GPAM: variants seen among roughly 807,000 people sequenced by gnomAD.
The protein encoded by GPAM is glycerol-3-phosphate acyltransferase 1, mitochondrial.
GPAM carries 56 observed loss-of-function variants against 105.0 expected under a neutral mutation model. The observed-to-expected ratio is 0.53, with a 90% CI of 0.43 to 0.67. The LOEUF is 0.67. Among genes scored for constraint, GPAM ranks in the 30% least tolerant of loss-of-function variants. GPAM has a pLI of 0.00. For missense variants in GPAM, 855 were observed against 989.8 expected, an observed-to-expected ratio of 0.86 and a Z score of 1.83; for synonymous variants, 368 against 354.4, an observed-to-expected ratio of 1.04 and a Z score of -0.43.
intron 1 of GPAM, among the ~76,000 whole-genome samples, chr10:112,198,495 T>C (rs1353113819): frequency 6.6e-6 from 1 of 152,214 alleles, no homozygotes; most frequent in Non-Finnish European, 1.5e-5. Context: ...AGAAAAAAAG[T>C]ACATGTAAAA....
chr10:112,224,830 C>G, the GPAM span, among the ~76,000 whole-genome samples: 1 of 152,110 alleles, frequency 6.6e-6, no homozygotes, highest in Non-Finnish European at 1.5e-5. Flanking sequence ...AATCAGATGA[C>G]AGCCATGGAG....
chr10:112,160,230 A>T lies in GPAM; in HGVS notation c.1760-177T>A, dbSNP rs559973715. 1.3e-5 allele frequency: 5 copies of T among 393,298 alleles called. No individual in the cohort carries two copies. The South Asian group carries it at 3.1e-4, about 25-fold the overall frequency. The allele number at this position is 393,298 out of a possible 1,614,324, so 24.4% of individuals were successfully genotyped here. ...TATGATTCCATATGATCCCAACTGC[A>T]TCAAAAACCTTCTCCAAAGACATAA... On this transcript the variant is annotated intron_variant, in intron 16 of 21. Transcript: ENST00000348367.
chr10:112,213,146 T>C (rs561847157), intron 1 of GPAM, among the ~76,000 whole-genome samples: 1 of 152,336 alleles, frequency 6.6e-6, no homozygotes, highest in East Asian at 1.9e-4. Context: ...CAACCGAGCA[T>C]GTGAAACAGT....
intron 17 of GPAM, among the ~76,000 whole-genome samples, chr10:112,159,663 C>T (rs1223186861): frequency 1.3e-5 from 2 of 152,154 alleles, no homozygotes; most frequent in Non-Finnish European, 2.9e-5. Context: ...ATGTGACTGC[C>T]TGAGAACATT....
At chr10:112,165,791 A>G (rs1356541060) in intron 12 of GPAM, among the ~76,000 whole-genome samples, 1 of 152,176 alleles carries the variant, frequency 6.6e-6, no homozygotes, top group Non-Finnish European at 1.5e-5. Context: ...ATAAAGGCAC[A>G]TGCAAGATTC....
At chr10:112,168,675 A>C (rs1451005285) in intron 10 of GPAM, 151 bp from the exon 11 acceptor site, 1 of 722,464 alleles carries the variant, frequency 1.4e-6, no homozygotes, top group Non-Finnish European at 2.5e-6. Context: ...CAGCTCCTCC[A>C]ATGCTATATT....
intron 1 of GPAM, among the ~76,000 whole-genome samples, chr10:112,203,962 C>T (rs1425921163): frequency 6.6e-6 from 1 of 152,168 alleles, no homozygotes; most frequent in African/African-American, 2.4e-5. Context: ...AACTCCCTCA[C>T]CCTGAATTCC....
At chr10:112,203,604 T>C (rs1423250913) in intron 1 of GPAM, among the ~76,000 whole-genome samples, 2 of 152,240 alleles carry the variant, frequency 1.3e-5, no homozygotes, top group South Asian at 2.1e-4. Flanking sequence ...CTGTTTAACA[T>C]GTTATATTCA....
chr10:112,185,557 AACACACACACACAGACACACACACAC>A (rs1847583281), upstream of GPAM, among the ~76,000 whole-genome samples: 2 of 139,074 alleles, frequency 1.4e-5, no homozygotes, highest in South Asian at 4.6e-4. Flanking sequence ...TTAACACCCT[AACACACACACACAGACACACACACAC>A]ACACACACAC....
intron 7 of GPAM, 48 bp from the exon 8 acceptor site, chr10:112,173,114 A>G (rs984662461): frequency 1.9e-6 from 2 of 1,030,562 alleles, no homozygotes; most frequent in Non-Finnish European, 3.1e-6. Context: ...AACACACGTT[A>G]TTTTTACATA....
At chr10:112,214,379 A>T (rs1004755811) in intron 1 of GPAM, 1 of 152,194 alleles carries the variant, frequency 6.6e-6, no homozygotes, top group Non-Finnish European at 1.5e-5. Context: ...TTGGTTTTGC[A>T]TCGTATCTTC....
rs751078109 is a variant in GPAM, at chr10:112,157,303, A to G, written c.2067T>C (p.Asp689=). ...CAAAGTCACTGTCTTCATCTTCTTC[A>G]TCACTTCTCCAAGACAAAGGTTCTG... is the stretch of plus-strand genomic sequence containing the variant. ...KLPEPLSWRS[D]EEDEDSDFGE... Residue 689 remains aspartate, a synonymous_variant, in exon 19 of 22, where the codon GAT becomes GAC. Coordinates refer to ENST00000348367, the MANE Select transcript of GPAM (RefSeq NM_001244949.2). 3.7e-6 allele frequency: 6 copies of G among 1,613,676 alleles called. No individual in the cohort carries two copies. The highest frequency in any genetic ancestry group is 5.1e-6 in the Non-Finnish European group (6 of 1,179,580).
rs531666294 is a variant in GPAM, at chr10:112,173,499, G to C, written c.560+200C>G. Among the ~76,000 whole-genome samples, 12 of 152,322 alleles carry C rather than the reference G, an allele frequency of 7.9e-5. 1 individual carries two copies. Among genetic ancestry groups the C allele is most frequent in the African/African-American group, 2.9e-4 (12 of 41,576 alleles). On this transcript the variant is annotated intron_variant, in intron 7 of 21. Coordinates refer to ENST00000348367, the MANE Select transcript of GPAM (RefSeq NM_001244949.2). The stretch of plus-strand genomic sequence containing the variant: ...TTGGCTGCTATCAATTAACAGATAT[G>C]AAGGCACCTTCAAGCCTACCACAGT...
upstream of GPAM, among the ~76,000 whole-genome samples, chr10:112,185,899 C>T (rs1021077263): frequency 1.2e-4 from 18 of 151,972 alleles, no homozygotes; most frequent in Admixed American, 1.1e-3. Flanking sequence ...AGTATACATG[C>T]AATTGTAGTC....
At chr10:112,195,450 GC>G (rs2133287611) in intron 1 of GPAM, among the ~76,000 whole-genome samples, 1 of 152,168 alleles carries the variant, frequency 6.6e-6, no homozygotes, top group Non-Finnish European at 1.5e-5. Flanking sequence ...CCCTTCCCTG[GC>G]ATTTGCTCTG....
At chr10:112,189,374 G>A (rs895065302) in intron 1 of GPAM, among the ~76,000 whole-genome samples, 21 of 152,096 alleles carry the variant, frequency 1.4e-4, no homozygotes, top group African/African-American at 5.1e-4. Context: ...CAAGCTTATA[G>A]TCTAGAATAT....
chr10:112,156,378 G>A (rs1222189647), intron 19 of GPAM: 3 of 349,904 alleles, frequency 8.6e-6, no homozygotes, highest in African/African-American at 6.4e-5. Context: ...CCGCTCCTAA[G>A]ACCAGGCCCT....
rs920455181 is a variant in GPAM at position 112,158,309 on chromosome 10, C to T, written c.1980+7G>A. The T allele has an allele frequency of 5.4e-6, 8 of 1,482,952 alleles. No individual in the cohort carries two copies. Among genetic ancestry groups the T allele is most frequent in the Non-Finnish European group, 7.5e-6 (8 of 1,060,114 alleles). The allele number at this position is 1,482,952 out of a possible 1,614,324, so 91.9% of individuals were successfully genotyped here. A position where few individuals can be genotyped will look rare whatever the true frequency, so the allele number is the denominator to read the frequency against. On this transcript the variant is annotated splice_region_variant and intron_variant, in intron 18 of 21. Transcript: ENST00000348367. ...AAAGACAAATAAAGGAAAGCTCTAC[C>T]TCTTACCTCTGCCACTGTAAGAATG... is the stretch of plus-strand genomic sequence containing the variant.
In GPAM at chr10:112,150,642, C is replaced by T. The variant is rs926673771; in HGVS notation, c.*2908G>A. On this transcript the variant is annotated 3_prime_UTR_variant, in exon 22 of 22. Transcript: ENST00000348367. Reference sequence around the variant, plus strand: ...TAAGTATCCCAAAGGAGAAAAAGGTCCTGGTGTCAAAATAGTTTGGGCAAT... The same window carrying T: ...TAAGTATCCCAAAGGAGAAAAAGGTTCTGGTGTCAAAATAGTTTGGGCAAT... 7.1e-5 allele frequency: 65 copies of T among 910,722 alleles called. No individual in the cohort carries two copies. The highest frequency in any genetic ancestry group is 8.5e-5 in the Non-Finnish European group (65 of 761,940). The allele number at this position is 910,722 out of a possible 1,614,324, so 56.4% of individuals were successfully genotyped here.
Sources: allele counts gnomAD v4.1 joint callset (sites outside exome capture counted in the v4.1 genomes callset), GRCh38; gene constraint gnomAD v4.1.1; transcripts MANE v1.5; gene names NCBI Gene and HGNC (gene_info 2026-07-23, HGNC 2026-07-21).